The following CEP112 variants were observed in gnomAD, a reference collection of about 807,000 sequenced individuals.
The protein encoded by CEP112 is centrosomal protein 112, also known as centrosomal protein of 112 kDa.
Under a neutral mutation model 153.0 loss-of-function variants are expected in CEP112, and 127 were observed. The ratio of observed to expected loss-of-function variants is 0.83; its 90% CI spans 0.72 to 0.96. The LOEUF (loss-of-function observed/expected upper bound fraction) is 0.96, where lower values mean the gene tolerates loss of function less well. Ranked by LOEUF, CEP112 falls within the 40% of genes least tolerant of loss-of-function variation. The pLI is 0.00. For synonymous variants in CEP112, 358 were observed against 374.4 expected (o/e 0.96, Z 0.51); for missense variants, 1,089 against 1,101.2 (o/e 0.99, Z 0.16).
intron 12 of CEP112, among the ~76,000 whole-genome samples, chr17:66,033,730 T>C (rs1671006113): frequency 6.6e-6 from 1 of 152,218 alleles, no homozygotes; most frequent in African/African-American, 2.4e-5. Context: ...TCTTACCCTT[T>C]CTTTTGCTTT....
intron 21 of CEP112, among the ~76,000 whole-genome samples, chr17:65,751,952 TTCTATCTATCTA>T (rs60646634): frequency 0.086 from 12,614 of 145,848 alleles, 582 homozygotes; most frequent in Middle Eastern, 0.1. Flanking sequence ...AATACAGTCC[TTCTATCTATCTA>T]TCTATCTATC....
At chr17:65,674,648 G>A (rs1188207791) in intron 24 of CEP112, among the ~76,000 whole-genome samples, 2 of 152,186 alleles carry the variant, frequency 1.3e-5, no homozygotes, top group Non-Finnish European at 2.9e-5. Context: ...CTGAAGTTTA[G>A]CTTCAAGTCA....
intron 20 of CEP112, among the ~76,000 whole-genome samples, chr17:65,873,896 T>C (rs933505373): frequency 3.9e-5 from 6 of 152,206 alleles, no homozygotes; most frequent in African/African-American, 1.2e-4. Context: ...ACCAATTTCA[T>C]GTCATAAGGA....
intron 20 of CEP112, among the ~76,000 whole-genome samples, chr17:65,865,851 G>C (rs934642861): frequency 6.6e-6 from 1 of 152,196 alleles, no homozygotes; most frequent in South Asian, 2.1e-4. Flanking sequence ...CCTGACAGTG[G>C]CGGAGCAGCA....
intron 23 of CEP112, among the ~76,000 whole-genome samples, chr17:65,734,766 A>G (rs2050703592): frequency 1.3e-5 from 2 of 152,218 alleles, no homozygotes; most frequent in African/African-American, 2.4e-5. Flanking sequence ...AGGGAGGAGT[A>G]TTTTAGCAGC....
At chr17:66,005,904 C>A (rs994331454) in intron 16 of CEP112, 135 bp from the exon 17 acceptor site, 45 of 744,564 alleles carry the variant, frequency 6.0e-5, no homozygotes, top group Non-Finnish European at 7.7e-5. Flanking sequence ...AAGATAGAAA[C>A]TTGGTCTACC....
intron 8 of CEP112, among the ~76,000 whole-genome samples, chr17:66,086,564 C>T (rs778288493): frequency 1.3e-5 from 2 of 151,560 alleles, no homozygotes; most frequent in Admixed American, 6.6e-5. Context: ...CCACCATGCC[C>T]GAGTAATTTT....
At chr17:65,774,245 G>T (rs941058021) in intron 21 of CEP112, among the ~76,000 whole-genome samples, 1 of 152,126 alleles carries the variant, frequency 6.6e-6, no homozygotes. Flanking sequence ...GGGAATGAAG[G>T]AGAAAATGTT....
At chr17:65,875,589 TAC>T (rs1322340250) in intron 20 of CEP112, among the ~76,000 whole-genome samples, 1 of 152,188 alleles carries the variant, frequency 6.6e-6, no homozygotes, top group East Asian at 1.9e-4. Context: ...CACTTCAAAA[TAC>T]AGTTGTGTCA....
At chr17:66,096,481 A>T (rs953969089) in intron 7 of CEP112, 104 bp downstream of exon 7, 6 of 1,112,328 alleles carry the variant, frequency 5.4e-6, no homozygotes, top group Non-Finnish European at 8.0e-6. Flanking sequence ...AAAAACTATT[A>T]TGTTTCCTAA....
intron 8 of CEP112, among the ~76,000 whole-genome samples, chr17:66,078,139 C>CTTTA (rs1484701318): frequency 6.6e-6 from 1 of 152,008 alleles, no homozygotes; most frequent in East Asian, 1.9e-4. Flanking sequence ...CCTTTCCCCA[C>CTTTA]TTTATGTTTT....
At position 65,849,493 on chromosome 17, in the gene CEP112, C is replaced by G. The variant is rs149397632; in HGVS notation, c.2394+2311G>C. On this transcript the variant is annotated intron_variant, in intron 21 of 26. Transcript: ENST00000535342. ...AATATAAAAATTCAGGTTTCTAATA[C>G]TAATTTTTAAATTATCTTTACCCTG... Among the ~76,000 whole-genome samples, 364 of 152,272 alleles carry G rather than the reference C, an allele frequency of 2.4e-3. 4 individuals carry two copies. In the East Asian group the frequency reaches 0.05, roughly 21 times the overall value.
intron 12 of CEP112, among the ~76,000 whole-genome samples, chr17:66,040,145 G>C (rs1339029281): frequency 2.6e-5 from 4 of 152,120 alleles, no homozygotes; most frequent in Admixed American, 6.6e-5. Flanking sequence ...TTTCAAACTG[G>C]ATATAAAAAT....
At chr17:65,992,034 AC>A (rs1403105982) in intron 17 of CEP112, among the ~76,000 whole-genome samples, 11 of 149,096 alleles carry the variant, frequency 7.4e-5, no homozygotes, top group Middle Eastern at 3.5e-3. Context: ...AAAAAAAAAA[AC>A]AAACCTAATC....
intron 21 of CEP112, among the ~76,000 whole-genome samples, chr17:65,786,796 G>A (rs2054301311): frequency 6.6e-6 from 1 of 151,988 alleles, no homozygotes; most frequent in African/African-American, 2.4e-5. Context: ...ATGTTGCCCA[G>A]GCTGGTCTCA....
intron 4 of CEP112, among the ~76,000 whole-genome samples, chr17:66,133,615 T>C (rs2070301222): frequency 6.6e-6 from 1 of 152,190 alleles, no homozygotes; most frequent in South Asian, 2.1e-4. Context: ...GTCTCTCTTA[T>C]ATGATTTTAT....
intron 12 of CEP112, among the ~76,000 whole-genome samples, chr17:66,030,338 A>T (rs1355983606): frequency 6.6e-6 from 1 of 152,204 alleles, no homozygotes; most frequent in Non-Finnish European, 1.5e-5. Flanking sequence ...TATCCTCAGG[A>T]AGGTTTCAGT....
At chr17:65,807,407 T>G (rs1273244764) in intron 21 of CEP112, among the ~76,000 whole-genome samples, 1 of 152,098 alleles carries the variant, frequency 6.6e-6, no homozygotes, top group African/African-American at 2.4e-5. Context: ...AAAAACCCAT[T>G]TTTGGGGGAG....
At chr17:65,833,413 ACTTT>A (rs1305520755) in intron 21 of CEP112, among the ~76,000 whole-genome samples, 1 of 152,230 alleles carries the variant, frequency 6.6e-6, no homozygotes, top group African/African-American at 2.4e-5. Flanking sequence ...AGGAAGTCAA[ACTTT>A]CTCTGTTTGC....
Sources: allele counts gnomAD v4.1 joint callset (sites outside exome capture counted in the v4.1 genomes callset), GRCh38; gene constraint gnomAD v4.1.1; transcripts MANE v1.5; gene names NCBI Gene and HGNC (gene_info 2026-07-23, HGNC 2026-07-21).